The following PTPRN2 variants were observed in gnomAD, a reference collection of about 807,000 sequenced individuals.
The protein encoded by PTPRN2 is receptor-type tyrosine-protein phosphatase N2.
PTPRN2 carries 74 observed loss-of-function variants against 118.8 expected under a neutral mutation model. That is an observed-to-expected ratio of 0.62 (90% confidence interval 0.52 to 0.76). PTPRN2 has a LOEUF of 0.76. PTPRN2 is among the 30% of genes least tolerant of loss of function. The probability of loss-of-function intolerance (pLI) is 0.00; values close to 1 mark genes in which losing one functional copy is unlikely to be tolerated. For missense variants in PTPRN2, 1,481 were observed against 1,394.4 expected, an observed-to-expected ratio of 1.06 and a Z score of -0.99; for synonymous variants, 641 against 608.0, an observed-to-expected ratio of 1.05 and a Z score of -0.80.
chr7:158,141,262 TC>T (rs1448467046), intron 6 of PTPRN2, among the ~76,000 whole-genome samples: 1 of 152,238 alleles, frequency 6.6e-6, no homozygotes, highest in African/African-American at 2.4e-5. Flanking sequence ...TTTGTCTGCG[TC>T]AAATGCATCA....
At chr7:158,449,892 C>T (rs1485113835) in intron 2 of PTPRN2, among the ~76,000 whole-genome samples, 2 of 152,212 alleles carry the variant, frequency 1.3e-5, no homozygotes, top group East Asian at 3.8e-4. Flanking sequence ...AGCTACAACA[C>T]AAAACGTTGC....
chr7:157,894,395 C>T lies in PTPRN2; in HGVS notation c.1788+4278G>A, dbSNP rs35960744. ...GAAGCTGAGAGCTGGGGTGTGAGTT[C>T]CTGTGGAAGCTGAGAGCTGGGGTGT... On this transcript the variant is annotated intron_variant, in intron 12 of 22. Coordinates refer to ENST00000389418, the MANE Select transcript of PTPRN2 (RefSeq NM_002847.5). Among the ~76,000 whole-genome samples the T allele has an allele frequency of 7.4e-3, 1,068 of 143,378 alleles. 3 individuals carry two copies. The highest frequency in any genetic ancestry group is 0.012 in the Non-Finnish European group (776 of 65,500). The allele number at this position is 143,378 out of a possible 152,430, so 94.1% of individuals were successfully genotyped here.
chr7:158,070,247 A>G (rs1045673273), intron 11 of PTPRN2, among the ~76,000 whole-genome samples: 2 of 151,864 alleles, frequency 1.3e-5, no homozygotes, highest in Non-Finnish European at 2.9e-5. Context: ...CAACTGCTGT[A>G]GAGGTGCTCA....
chr7:157,562,943 A>G (rs1585035694), intron 21 of PTPRN2, among the ~76,000 whole-genome samples: 1 of 108,168 alleles, frequency 9.2e-6, no homozygotes, highest in African/African-American at 3.7e-5. Context: ...CTCCCACATC[A>G]CCACACAGCA....
At chr7:158,494,263 A>C (rs1303509993) in intron 1 of PTPRN2, among the ~76,000 whole-genome samples, 2 of 152,228 alleles carry the variant, frequency 1.3e-5, no homozygotes, top group African/African-American at 4.8e-5. Context: ...GCTGTGGCCA[A>C]GGCAGACATG....
At chr7:158,156,679 C>T (rs1328168086) in intron 6 of PTPRN2, among the ~76,000 whole-genome samples, 1 of 152,234 alleles carries the variant, frequency 6.6e-6, no homozygotes, top group Admixed American at 6.5e-5. Context: ...TTCGAGCCCC[C>T]AGTTCCAGCC....
chr7:158,133,321 C>T (rs1452306779), intron 9 of PTPRN2, among the ~76,000 whole-genome samples: 2 of 152,206 alleles, frequency 1.3e-5, no homozygotes, highest in Admixed American at 6.5e-5. Context: ...CCCCGAGACC[C>T]CACCCTGCCT....
At chr7:157,635,140 A>C (rs1410230265) in intron 14 of PTPRN2, among the ~76,000 whole-genome samples, 2 of 152,260 alleles carry the variant, frequency 1.3e-5, no homozygotes, top group Non-Finnish European at 2.9e-5. Context: ...AATCATGAGG[A>C]CAAAGATGTA....
At chr7:158,551,661 TG>T (rs11424888) in intron 1 of PTPRN2, among the ~76,000 whole-genome samples, 6 of 99,500 alleles carry the variant, frequency 6.0e-5, no homozygotes, top group Non-Finnish European at 8.0e-5. Context: ...CACATGCATT[TG>T]GGGGGCCCCA....
chr7:158,456,716 G>A (rs779589392), intron 2 of PTPRN2, among the ~76,000 whole-genome samples: 59 of 152,258 alleles, frequency 3.9e-4, no homozygotes, highest in Non-Finnish European at 6.8e-4. Flanking sequence ...GGTGGAGTCA[G>A]TTAGAGAAAA....
intron 2 of PTPRN2, among the ~76,000 whole-genome samples, chr7:158,373,259 C>T (rs986966084): frequency 1.6e-4 from 24 of 152,230 alleles, no homozygotes; most frequent in Admixed American, 1.5e-3. Context: ...GCCTTGACCT[C>T]GGGGCCCGGC....
At chr7:158,551,697 G>A (rs1826670061) in intron 1 of PTPRN2, among the ~76,000 whole-genome samples, 2 of 59,444 alleles carry the variant, frequency 3.4e-5, no homozygotes, top group Non-Finnish European at 6.7e-5. Flanking sequence ...GCATCAGGGT[G>A]GGGCTCTAAC....
intron 11 of PTPRN2, among the ~76,000 whole-genome samples, chr7:157,948,096 T>C (rs1478854889): frequency 6.6e-6 from 1 of 152,236 alleles, no homozygotes; most frequent in Non-Finnish European, 1.5e-5. Context: ...GCTGAAATTC[T>C]AAACAGTAAC....
intron 2 of PTPRN2, among the ~76,000 whole-genome samples, chr7:158,374,199 G>C (rs978306426): frequency 1.3e-5 from 2 of 152,180 alleles, no homozygotes; most frequent in African/African-American, 2.4e-5. Context: ...GGTCCAAGCA[G>C]CAGTGAAGGG....
intron 11 of PTPRN2, among the ~76,000 whole-genome samples, chr7:157,982,313 T>G: frequency 1.5e-4 from 10 of 64,620 alleles, no homozygotes; most frequent in Admixed American, 2.1e-4. Context: ...AAACCCTGAG[T>G]CATAGAGCCA....
intron 2 of PTPRN2, among the ~76,000 whole-genome samples, chr7:158,441,591 G>GGTGATA (rs796518692): frequency 6.8e-6 from 1 of 146,762 alleles, no homozygotes; most frequent in African/African-American, 2.6e-5. Flanking sequence ...TGGTGGTGGT[G>GGTGATA]GTGATAGTGA....
rs1277529635 is a variant in PTPRN2 at position 157,632,373 on chromosome 7, T to A, written c.2197-10864A>T. 3.9e-5 allele frequency among the ~76,000 whole-genome samples: 6 copies of A among 152,192 alleles called. No homozygotes were observed. Among genetic ancestry groups the A allele is most frequent in the African/African-American group, 1.4e-4 (6 of 41,448 alleles). On this transcript the variant is annotated intron_variant, in intron 14 of 22. Coordinates refer to ENST00000389418, the MANE Select transcript of PTPRN2 (RefSeq NM_002847.5). This position sits in a 1 kb window ranked among gnomAD's most constrained non-coding sequence, Gnocchi z 4.3. ...TCTGTTACACATTTACAGAAAAATATGACAATTTGATAAAGACTTAACAAC... is the reference window on the plus strand; with the variant it reads ...TCTGTTACACATTTACAGAAAAATAAGACAATTTGATAAAGACTTAACAAC...
intron 11 of PTPRN2, among the ~76,000 whole-genome samples, chr7:157,952,898 C>T (rs918162667): frequency 1.3e-5 from 2 of 152,170 alleles, no homozygotes; most frequent in African/African-American, 4.8e-5. Context: ...AGACTTCCCT[C>T]TCCAGGACGT....
At chr7:158,582,644 T>A (rs141936343) in intron 1 of PTPRN2, among the ~76,000 whole-genome samples, 134 of 152,070 alleles carry the variant, frequency 8.8e-4, no homozygotes, top group African/African-American at 3.1e-3. Context: ...AAAACTTTTT[T>A]AAATTAGCCT....
Sources: gnomAD v4.1 joint callset for allele counts (sites outside exome capture counted in the v4.1 genomes callset) on GRCh38, gnomAD v4.1.1 for gene constraint, Gnocchi (gnomAD v3.1) non-coding constraint, MANE v1.5 for transcripts, NCBI Gene and HGNC (gene_info 2026-07-23, HGNC 2026-07-21) for gene names.